Variants in ADAM20 observed in about 807,000 individuals in gnomAD.
The protein encoded by ADAM20 is disintegrin and metalloproteinase domain-containing protein 20.
For synonymous variants in ADAM20, 305 were observed against 310.2 expected, an observed-to-expected ratio of 0.98 and a Z score of 0.18; for missense variants, 871 against 883.2, an observed-to-expected ratio of 0.99 and a Z score of 0.18.
At chr14:70,562,544 AT>A in the ADAM20 span, among the ~76,000 whole-genome samples, 1 of 152,006 alleles carries the variant, frequency 6.6e-6, no homozygotes, top group African/African-American at 2.4e-5. Context: ...TATGGTTTGG[AT>A]TTGTGTCCCC....
chr14:70,562,369 C>T, the ADAM20 span, among the ~76,000 whole-genome samples: 1 of 152,168 alleles, frequency 6.6e-6, no homozygotes, highest in African/African-American at 2.4e-5. Flanking sequence ...ATTTTACAGG[C>T]TCATAAATGG....
chr14:70,559,209 C>T, the ADAM20 span, among the ~76,000 whole-genome samples: 1 of 152,100 alleles, frequency 6.6e-6, no homozygotes, highest in Non-Finnish European at 1.5e-5. Context: ...ACCACCTCCT[C>T]CCTAAACCTG....
At chr14:70,544,641 T>G in the ADAM20 span, among the ~76,000 whole-genome samples, 3,333 of 152,278 alleles carry the variant, frequency 0.022, 90 homozygotes, top group East Asian at 0.13. Context: ...AATAATTCAT[T>G]ACACAGTAGG....
the ADAM20 span, among the ~76,000 whole-genome samples, chr14:70,540,750 A>C: frequency 6.6e-6 from 1 of 152,230 alleles, no homozygotes; most frequent in Admixed American, 6.5e-5. Context: ...TGCTTTGGCA[A>C]AGGACTATCA....
At chr14:70,575,230 G>A in the ADAM20 span, among the ~76,000 whole-genome samples, 12 of 151,020 alleles carry the variant, frequency 7.9e-5, no homozygotes, top group African/African-American at 2.9e-4. Flanking sequence ...AGTCTTGCTC[G>A]GTCACTCAGG....
chr14:70,556,258 G>T, the ADAM20 span: 1 of 152,400 alleles, frequency 6.6e-6, no homozygotes, highest in Non-Finnish European at 1.5e-5. Context: ...CAACAAGTCT[G>T]AGGGCTGTCT....
chr14:70,568,354 T>TA, the ADAM20 span, among the ~76,000 whole-genome samples: 8 of 134,478 alleles, frequency 5.9e-5, no homozygotes, highest in African/African-American at 2.7e-4. Flanking sequence ...AGTCATACCC[T>TA]AAAGGGAAAA....
intron 1 of ADAM20, among the ~76,000 whole-genome samples, chr14:70,527,772 T>C (rs991162945): frequency 1.3e-5 from 2 of 152,180 alleles, no homozygotes; most frequent in Non-Finnish European, 2.9e-5. Flanking sequence ...CCACCACCTC[T>C]ATCCAGTTTT....
chr14:70,570,471 T>A, the ADAM20 span, among the ~76,000 whole-genome samples: 1 of 151,890 alleles, frequency 6.6e-6, no homozygotes, highest in Non-Finnish European at 1.5e-5. Flanking sequence ...AGAAAAAAGA[T>A]CACCAGAGAC....
upstream of ADAM20, among the ~76,000 whole-genome samples, chr14:70,536,951 A>G (rs1397051552): frequency 6.6e-6 from 1 of 152,044 alleles, no homozygotes; most frequent in African/African-American, 2.4e-5. Context: ...AACCAAAAAA[A>G]AAAAAAAAAA....
upstream of ADAM20, among the ~76,000 whole-genome samples, chr14:70,536,465 CAAAAAAAAAAAAAAA>C (rs56738784): frequency 2.6e-4 from 11 of 43,130 alleles, 1 homozygote; most frequent in African/African-American, 6.8e-4. Flanking sequence ...AACTCTGTCT[CAAAAAAAAAAAAAAA>C]AAAAAAAAAA....
At chr14:70,564,986 T>G in the ADAM20 span, among the ~76,000 whole-genome samples, 211 of 151,072 alleles carry the variant, frequency 1.4e-3, 1 homozygote, top group Non-Finnish European at 2.4e-3. Flanking sequence ...AGTTTGAATC[T>G]GCAGTGAGCT....
the ADAM20 span, among the ~76,000 whole-genome samples, chr14:70,544,747 C>T: frequency 6.6e-6 from 1 of 152,070 alleles, no homozygotes; most frequent in African/African-American, 2.4e-5. Flanking sequence ...ATGCTAATTA[C>T]ACCAGTTTCA....
intron 1 of ADAM20, among the ~76,000 whole-genome samples, chr14:70,530,931 C>G (rs897720309): frequency 6.7e-6 from 1 of 149,218 alleles, no homozygotes; most frequent in Non-Finnish European, 1.5e-5. Flanking sequence ...TTTACACCTT[C>G]AGGAACTAGA....
rs758796268 is a variant in ADAM20 at position 70,522,708 on chromosome 14, C to T, written c.2050G>A (p.Gly684Arg). 6 of 1,613,814 alleles carry T rather than the reference C, an allele frequency of 3.7e-6. No individual in the cohort carries two copies. The East Asian group carries it at 1.3e-4, about 36-fold the overall frequency. Residue 684 changes from glycine to arginine, a missense_variant, in exon 2 of 2, where the codon GGA (glycine) becomes AGA (arginine). By Grantham distance (125) the Gly-to-Arg change is moderately radical (BLOSUM62 -2). Coordinates refer to ENST00000256389, the MANE Select transcript of ADAM20 (RefSeq NM_003814.5). The part of the protein sequence containing the change: ...SGPPPKNNME[G>R]LNVMGKLRYL... Reference sequence around the variant, plus strand: ...CGCAACTTTCCCATCACATTTAATCCTTCCATGTTGTTCTTAGGAGGTGGG... The same window carrying T: ...CGCAACTTTCCCATCACATTTAATCTTTCCATGTTGTTCTTAGGAGGTGGG...
At chr14:70,541,492 C>A in the ADAM20 span, among the ~76,000 whole-genome samples, 6 of 152,066 alleles carry the variant, frequency 3.9e-5, no homozygotes, top group South Asian at 8.3e-4. Flanking sequence ...AAAACACTAA[C>A]CTGCTCTTTT....
chr14:70,576,866 G>A, the ADAM20 span, among the ~76,000 whole-genome samples: 1 of 152,138 alleles, frequency 6.6e-6, no homozygotes, highest in South Asian at 2.1e-4. Flanking sequence ...AAAGAGCTAG[G>A]ATTAAGCTGC....
chr14:70,524,022 G>A lies in ADAM20; in HGVS notation c.736C>T (p.His246Tyr), dbSNP rs770877888. ...AAAATTACATCAACCTCCAAAGGAT[G>A]ATAGAAGGAATCCACTATATTGACA... ...NVVNIVDSFY[H>Y]PLEVDVILTG... The change falls in exon 2 of 2, where the codon CAT (histidine) becomes TAT (tyrosine). Residue 246 changes from histidine (H) to tyrosine (Y), a missense_variant. By Grantham distance (83) the His-to-Tyr change is moderately conservative. Coordinates refer to ENST00000256389, the MANE Select transcript of ADAM20 (RefSeq NM_003814.5). 6.2e-7 allele frequency: 1 copy of A among 1,613,906 alleles called. No individual in the cohort carries two copies. The highest frequency in any genetic ancestry group is 8.5e-7 in the Non-Finnish European group (1 of 1,179,936).
At chr14:70,538,167 C>T (rs1297707040), upstream of ADAM20, among the ~76,000 whole-genome samples, 2 of 152,096 alleles carry the variant, frequency 1.3e-5, no homozygotes, top group African/African-American at 4.8e-5. Flanking sequence ...AGCCCTCAGC[C>T]CCAAATCCCA....
Sources: gnomAD v4.1 joint callset for allele counts (sites outside exome capture counted in the v4.1 genomes callset) on GRCh38, gnomAD v4.1.1 for gene constraint, MANE v1.5 for transcripts, NCBI Gene and HGNC (gene_info 2026-07-23, HGNC 2026-07-21) for gene names.